CSPP1: variants seen among roughly 807,000 people sequenced by gnomAD.
CSPP1 encodes centrosome and spindle pole-associated protein 1.
Under a neutral mutation model 164.4 loss-of-function variants are expected in CSPP1, and 126 were observed. The observed-to-expected ratio is 0.77, with a 90% CI of 0.66 to 0.89. The LOEUF (loss-of-function observed/expected upper bound fraction) is 0.89. Among genes scored for constraint, CSPP1 ranks in the 40% least tolerant of loss-of-function variants. The probability of loss-of-function intolerance (pLI) is 0.00; values close to 1 mark genes in which losing one functional copy is unlikely to be tolerated. For missense variants in CSPP1, 1,395 were observed against 1,449.8 expected (o/e 0.96, Z 0.61); for synonymous variants, 472 against 476.7 (o/e 0.99, Z 0.13).
At chr8:67,065,920 T>A (rs1470619118) in intron 1 of CSPP1, among the ~76,000 whole-genome samples, 4 of 152,200 alleles carry the variant, frequency 2.6e-5, no homozygotes, top group Non-Finnish European at 5.9e-5. Flanking sequence ...GTACAGTTTT[T>A]CTCAGATGAA....
chr8:67,104,797 C>T lies in CSPP1; in HGVS notation c.1023-1108C>T, dbSNP rs192000414. Among the ~76,000 whole-genome samples the T allele has an allele frequency of 8.7e-3, 1,311 of 150,660 alleles. 11 individuals are homozygous for T. The highest frequency in any genetic ancestry group is 0.015 in the Non-Finnish European group (1,000 of 67,658). On this transcript the variant is annotated intron_variant, in intron 8 of 30. Coordinates refer to ENST00000678616, the MANE Select transcript of CSPP1 (RefSeq NM_001382391.1). Reference sequence around the variant, plus strand: ...GGATTAGAGGCGTGTGTCACCACGCCTGGCTAATTTTTTTGTATTTTTAGT... The same window carrying T: ...GGATTAGAGGCGTGTGTCACCACGCTTGGCTAATTTTTTTGTATTTTTAGT...
intron 9 of CSPP1, among the ~76,000 whole-genome samples, chr8:67,110,918 G>C (rs573387431): frequency 3.3e-5 from 5 of 152,024 alleles, no homozygotes; most frequent in Admixed American, 1.3e-4. Context: ...CTTGTGCTTG[G>C]TTATTCTATC....
intron 8 of CSPP1, among the ~76,000 whole-genome samples, chr8:67,104,967 T>TATATATA (rs61548979): frequency 6.8e-5 from 6 of 87,630 alleles, no homozygotes; most frequent in African/African-American, 3.7e-4. Flanking sequence ...TATATATATA[T>TATATATA]TTTTTTTTTT....
At chr8:67,083,954 T>C (rs889150251) in intron 3 of CSPP1, 21 of 152,204 alleles carry the variant, frequency 1.4e-4, no homozygotes, top group African/African-American at 5.1e-4. Context: ...ATATATTCAT[T>C]TGCAGATTTA....
chr8:67,132,435 C>T (rs1821418251), intron 16 of CSPP1, among the ~76,000 whole-genome samples: 1 of 152,126 alleles, frequency 6.6e-6, no homozygotes. Context: ...AAGGGGTTTT[C>T]AGTTTCATCT....
At chr8:67,185,169 G>A (rs1404740400) in intron 28 of CSPP1, among the ~76,000 whole-genome samples, 1 of 151,946 alleles carries the variant, frequency 6.6e-6, no homozygotes, top group Non-Finnish European at 1.5e-5. Context: ...CAAGAGCCTG[G>A]TGTGATTCCG....
rs1827428362 is a variant in CSPP1, at chr8:67,159,828, CTCTTTCTTTCTTTCTTTCTTTCTTTT to C, written c.2538+717_2538+742del. On this transcript the variant is annotated intron_variant, in intron 21 of 30. Coordinates refer to ENST00000678616, the MANE Select transcript of CSPP1 (RefSeq NM_001382391.1). ...TGAGCCACCACGCCCGGCCTTCTCTCTCTTTCTTTCTTTCTTTCTTTCTTTTTCTTTCTTTCTTTCTTTCTTTCTTT... is the reference window on the plus strand; with the variant it reads ...TGAGCCACCACGCCCGGCCTTCTCTCTCTTTCTTTCTTTCTTTCTTTCTTT... Among the ~76,000 whole-genome samples, 8 of 134,162 alleles carry C rather than the reference CTCTTTCTTTCTTTCTTTCTTTCTTTT, an allele frequency of 6.0e-5. 1 individual carries two copies. Among genetic ancestry groups the C allele is most frequent in the South Asian group, 2.4e-4 (1 of 4,210 alleles). 88.0% of individuals were successfully genotyped at this position (134,162 alleles called of 152,430 possible). A position where few individuals can be genotyped will look rare whatever the true frequency, so the allele number is the denominator to read the frequency against.
At chr8:67,103,690 C>A (rs1411764387) in intron 8 of CSPP1, among the ~76,000 whole-genome samples, 1 of 151,054 alleles carries the variant, frequency 6.6e-6, no homozygotes, top group African/African-American at 2.4e-5. Context: ...CCAGGCGTGG[C>A]AATCCCTGTA....
intron 25 of CSPP1, chr8:67,173,710 AC>A (rs1379088002): frequency 6.6e-6 from 1 of 152,224 alleles, no homozygotes; most frequent in Non-Finnish European, 1.5e-5. Context: ...ATTGTTTTTC[AC>A]CTAGATTTAC....
At chr8:67,115,652 C>T (rs1294686988) in intron 12 of CSPP1, among the ~76,000 whole-genome samples, 1 of 151,966 alleles carries the variant, frequency 6.6e-6, no homozygotes, top group African/African-American at 2.4e-5. Flanking sequence ...GCCTGGGCGA[C>T]ACAGTGAGAC....
chr8:67,181,078 C>A (rs913461060), intron 28 of CSPP1, among the ~76,000 whole-genome samples: 1 of 151,874 alleles, frequency 6.6e-6, no homozygotes, highest in African/African-American at 2.4e-5. Flanking sequence ...TGCTCTGTCG[C>A]CCAGGCTGGA....
intron 13 of CSPP1, among the ~76,000 whole-genome samples, chr8:67,117,936 T>C (rs1818253247): frequency 1.3e-5 from 2 of 152,240 alleles, no homozygotes; most frequent in Non-Finnish European, 2.9e-5. Flanking sequence ...TTTATTTTCA[T>C]GTTACTCCTG....
At position 67,091,818 on chromosome 8, in the gene CSPP1, AC is replaced by A; in HGVS notation, c.320del (p.Thr107ArgfsTer25). On this transcript the variant is annotated frameshift_variant, in exon 5 of 31. Coordinates refer to ENST00000678616, the MANE Select transcript of CSPP1 (RefSeq NM_001382391.1). LOFTEE classifies it high-confidence loss of function. ...ATATATACAGAAAAATTTTCTATCT[AC>A]GAGTGAAACAGATCCATCTACTTTG... Reference protein sequence around the residue: ...RYLTQKNFLSTSETDPSTLGV... With the variant: ...RYLTQKNFLSXSETDPSTLGV... 1.5e-6 allele frequency: 2 copies of A among 1,332,522 alleles called. No homozygotes were observed. The highest frequency in any genetic ancestry group is 1.5e-5 in the African/African-American group (1 of 66,564). 82.5% of individuals were successfully genotyped at this position (1,332,522 alleles called of 1,614,324 possible).
Position 67,175,294 on chromosome 8 carries a change from A to G in CSPP1, c.2969-2A>G. On this transcript the variant is annotated splice_acceptor_variant, in intron 25 of 30. Coordinates refer to ENST00000678616, the MANE Select transcript of CSPP1 (RefSeq NM_001382391.1). LOFTEE classifies it high-confidence loss of function. ...AGTTATATAACATATTTTTTATACC[A>G]GATTCAGAAACACGAGTTGATCTGA... 6.2e-7 allele frequency: 1 copy of G among 1,602,990 alleles called. No individual in the cohort carries two copies. The highest frequency in any genetic ancestry group is 1.1e-5 in the South Asian group (1 of 89,860).
chr8:67,119,508 T>C (rs1394180719), intron 15 of CSPP1, among the ~76,000 whole-genome samples: 3 of 152,170 alleles, frequency 2.0e-5, no homozygotes, highest in Admixed American at 6.5e-5. Context: ...TTCTCACCAG[T>C]AGGGCACAAG....
At chr8:67,143,809 G>A (rs538172942) in intron 17 of CSPP1, among the ~76,000 whole-genome samples, 1 of 152,114 alleles carries the variant, frequency 6.6e-6, no homozygotes, top group East Asian at 1.9e-4. Flanking sequence ...AGTCTGTGTG[G>A]TTGCTAAACT....
At chr8:67,067,755 G>A (rs1196631226) in intron 1 of CSPP1, among the ~76,000 whole-genome samples, 1 of 151,646 alleles carries the variant, frequency 6.6e-6, no homozygotes, top group Non-Finnish European at 1.5e-5. Context: ...GAGCCACAAC[G>A]CGCGGCTGCA....
At chr8:67,118,045 A>G (rs1424443871) in intron 13 of CSPP1, among the ~76,000 whole-genome samples, 3 of 152,182 alleles carry the variant, frequency 2.0e-5, no homozygotes, top group African/African-American at 7.2e-5. Flanking sequence ...TCTTACATAA[A>G]TGTACCTGAA....
chr8:67,088,953 A>G (rs1281189248), intron 4 of CSPP1, among the ~76,000 whole-genome samples: 2 of 151,720 alleles, frequency 1.3e-5, no homozygotes, highest in African/African-American at 4.8e-5. Context: ...TTAAAATTAG[A>G]GAGACAGTCT....
Sources: gnomAD v4.1 joint callset for allele counts (sites outside exome capture counted in the v4.1 genomes callset) on GRCh38, gnomAD v4.1.1 for gene constraint, MANE v1.5 for transcripts, NCBI Gene and HGNC (gene_info 2026-07-23, HGNC 2026-07-21) for gene names.